Variants in TRPM7 observed in about 807,000 individuals in gnomAD.
The protein encoded by TRPM7 is transient receptor potential cation channel subfamily M member 7.
Under a neutral mutation model 229.7 loss-of-function variants are expected in TRPM7, and 134 were observed. That is an observed-to-expected ratio of 0.58 (90% CI 0.51 to 0.67). The LOEUF (loss-of-function observed/expected upper bound fraction) is 0.67. Ranked by LOEUF, TRPM7 falls within the 30% of genes least tolerant of loss-of-function variation. The pLI is 0.00. For missense variants in TRPM7, 1,901 were observed against 2,210.0 expected (o/e 0.86, Z 2.80); for synonymous variants, 699 against 715.2 (o/e 0.98, Z 0.36).
chr15:50,589,047 C>A (rs999077012), intron 27 of TRPM7, among the ~76,000 whole-genome samples: 9 of 152,048 alleles, frequency 5.9e-5, no homozygotes, highest in African/African-American at 2.2e-4. Context: ...GTAGGCCGGG[C>A]ACAGTGGCTC....
intron 36 of TRPM7, among the ~76,000 whole-genome samples, chr15:50,570,661 G>T (rs1463386535): frequency 7.1e-6 from 1 of 140,662 alleles, no homozygotes; most frequent in East Asian, 2.1e-4. Flanking sequence ...TGACCAACAT[G>T]GTGAAACTTC....
intron 1 of TRPM7, among the ~76,000 whole-genome samples, chr15:50,681,264 T>TAC (rs72070923): frequency 0.054 from 7,979 of 146,810 alleles, 220 homozygotes; most frequent in African/African-American, 0.064. Context: ...AATAAATAAA[T>TAC]ACACACACAC....
intron 1 of TRPM7, among the ~76,000 whole-genome samples, chr15:50,686,285 A>G (rs2062358880): frequency 1.3e-5 from 2 of 152,082 alleles, no homozygotes; most frequent in African/African-American, 4.8e-5. Flanking sequence ...CCTCGCTGGG[A>G]GCCGAGTCTC....
intron 7 of TRPM7, among the ~76,000 whole-genome samples, chr15:50,634,824 AAT>A (rs1271392118): frequency 2.6e-5 from 4 of 152,220 alleles, no homozygotes; most frequent in African/African-American, 9.6e-5. Context: ...TCCAATATAT[AAT>A]AGACAGCAAA....
chr15:50,670,942 T>A (rs186451919), intron 1 of TRPM7, among the ~76,000 whole-genome samples: 1 of 151,988 alleles, frequency 6.6e-6, no homozygotes, highest in African/African-American at 2.4e-5. Context: ...GGGAGGCCAA[T>A]GGGGGCAGAT....
rs757656765 is a variant in TRPM7 at position 50,613,857 on chromosome 15, T to C, written c.1636-16A>G. 1 of 1,603,658 alleles carries C rather than the reference T, an allele frequency of 6.2e-7. No homozygotes were observed. Among genetic ancestry groups the C allele is most frequent in the South Asian group, 1.1e-5 (1 of 88,430 alleles). ...GGCCAGACCTCTGAAAATGAGATCT[T>C]ATTAGCTTTTATAGATTTAAACGTG... On this transcript the variant is annotated splice_polypyrimidine_tract_variant and intron_variant, in intron 14 of 38. Transcript: ENST00000646667.
chr15:50,624,262 T>C lies in TRPM7; in HGVS notation c.1344A>G (p.Val448=). 6.2e-7 allele frequency: 1 copy of C among 1,611,908 alleles called. No homozygotes were observed. Among genetic ancestry groups the C allele is most frequent in the South Asian group, 1.1e-5 (1 of 90,468 alleles). Residue 448 remains valine (V), a synonymous_variant, in exon 12 of 39, where the codon GTA becomes GTG. Transcript: ENST00000646667. Reference sequence around the variant, plus strand: ...GTTTTACAAATGCAACTCTATCCATTACAAGAGCATCAAGCATAGCTTGTT... The same window carrying C: ...GTTTTACAAATGCAACTCTATCCATCACAAGAGCATCAAGCATAGCTTGTT... ...SLEQAMLDAL[V]MDRVAFVKLL... is the part of the protein sequence containing the mutation.
intron 21 of TRPM7, among the ~76,000 whole-genome samples, chr15:50,603,796 T>C (rs2059845889): frequency 6.6e-6 from 1 of 152,256 alleles, no homozygotes; most frequent in Admixed American, 6.5e-5. Flanking sequence ...TAGCTTTTTA[T>C]ATTTATTAAA....
At chr15:50,595,919 T>G (rs2059617548) in intron 23 of TRPM7, among the ~76,000 whole-genome samples, 1 of 150,596 alleles carries the variant, frequency 6.6e-6, no homozygotes, top group African/African-American at 2.5e-5. Flanking sequence ...TACATATATT[T>G]GCAAAAAAAA....
intron 38 of TRPM7, among the ~76,000 whole-genome samples, chr15:50,569,527 C>G (rs1055940728): frequency 1.1e-4 from 16 of 152,032 alleles, no homozygotes; most frequent in African/African-American, 3.9e-4. Context: ...CTGTTTTTTC[C>G]TCTCTCTTGG....
At chr15:50,665,980 G>A (rs755854207) in intron 1 of TRPM7, among the ~76,000 whole-genome samples, 2 of 151,408 alleles carry the variant, frequency 1.3e-5, no homozygotes, top group East Asian at 3.9e-4. Context: ...GCAACAGAGC[G>A]AGACTCTCTC....
intron 4 of TRPM7, among the ~76,000 whole-genome samples, chr15:50,647,057 C>A (rs2899462): frequency 0.33 from 50,028 of 152,134 alleles, 10,041 homozygotes; most frequent in Admixed American, 0.47. Flanking sequence ...GAGAACATAT[C>A]CCCATTCTTA....
intron 23 of TRPM7, 121 bp from the exon 24 acceptor site, chr15:50,594,734 ACAAAACTAATAGCAAAT>A: frequency 1.5e-6 from 1 of 673,438 alleles, no homozygotes. Flanking sequence ...CCTTCTGTAA[ACAAAACTAATAGCAAAT>A]GAGAAACTAG....
chr15:50,598,909 A>G (rs1041195323), intron 22 of TRPM7, among the ~76,000 whole-genome samples: 1 of 152,176 alleles, frequency 6.6e-6, no homozygotes, highest in African/African-American at 2.4e-5. Flanking sequence ...GACAGTTTAG[A>G]CTAGACTTCT....
intron 10 of TRPM7, 79 bp downstream of exon 10, chr15:50,631,338 A>G (rs1342452135): frequency 1.5e-6 from 1 of 656,962 alleles, no homozygotes; most frequent in East Asian, 2.8e-5. Context: ...TTATATACAT[A>G]CACATATACA....
chr15:50,680,722 T>A (rs908948721), intron 1 of TRPM7, among the ~76,000 whole-genome samples: 20 of 152,012 alleles, frequency 1.3e-4, no homozygotes, highest in African/African-American at 3.1e-4. Flanking sequence ...ATAACTTTTT[T>A]AAAAAAAACC....
intron 20 of TRPM7, among the ~76,000 whole-genome samples, chr15:50,606,289 G>C (rs946516184): frequency 6.6e-6 from 1 of 152,002 alleles, no homozygotes; most frequent in African/African-American, 2.4e-5. Context: ...TGAGGCAGGA[G>C]AATCGCTTGA....
chr15:50,584,544 T>A (rs899229259), intron 28 of TRPM7, among the ~76,000 whole-genome samples: 6 of 151,814 alleles, frequency 4.0e-5, no homozygotes, highest in African/African-American at 1.2e-4. Context: ...GATGCTGCAA[T>A]ACAGGTAGGT....
chr15:50,570,793 T>C (rs533913009), intron 36 of TRPM7, among the ~76,000 whole-genome samples: 36 of 150,750 alleles, frequency 2.4e-4, no homozygotes, highest in African/African-American at 8.3e-4. Flanking sequence ...AGGCGGAGGT[T>C]GCAGTGAGCC....
Sources: allele counts gnomAD v4.1 joint callset (sites outside exome capture counted in the v4.1 genomes callset), GRCh38; gene constraint gnomAD v4.1.1; transcripts MANE v1.5; gene names NCBI Gene and HGNC (gene_info 2026-07-23, HGNC 2026-07-21).